The following SQSTM1 variants were observed in gnomAD, a reference collection of about 807,000 sequenced individuals.
The protein encoded by SQSTM1 is sequestosome 1, also known as sequestosome-1.
A neutral mutation model predicts 45.1 loss-of-function variants in SQSTM1; 36 were observed. The observed-to-expected ratio is 0.80, with a 90% CI of 0.61 to 1.05. SQSTM1 has a LOEUF of 1.05. Among genes scored for constraint, SQSTM1 ranks in the 50% least tolerant of loss-of-function variants. The pLI is 0.00. For missense variants in SQSTM1, 617 were observed against 607.1 expected (o/e 1.02, Z -0.17); for synonymous variants, 290 against 244.3 (o/e 1.19, Z -1.74).
At position 179,823,964 on chromosome 5, in the gene SQSTM1, A is replaced by G. The variant is rs2113487891; in HGVS notation, c.408A>G (p.Val136=). The part of the protein sequence containing the change: ...VICDGCNGPV[V]GTRYKCSVCP... ...GCGATGGCTGCAATGGGCCTGTGGT[A>G]GGAACCCGCTACAAGTGCAGCGTCT... Residue 136 remains valine, a synonymous_variant, in exon 3 of 8, where the codon GTA becomes GTG. Coordinates refer to ENST00000389805, the MANE Select transcript of SQSTM1 (RefSeq NM_003900.5). 1 of 1,614,042 alleles carries G rather than the reference A, an allele frequency of 6.2e-7. No individual in the cohort carries two copies.
At chr5:179,816,306 G>A (rs893597407), upstream of SQSTM1, among the ~76,000 whole-genome samples, 1 of 152,044 alleles carries the variant, frequency 6.6e-6, no homozygotes, top group African/African-American at 2.4e-5. Context: ...CTGCCGCCAC[G>A]CCCAACTAAT....
intron 6 of SQSTM1, 101 bp downstream of exon 6, chr5:179,833,347 A>C: frequency 8.3e-7 from 1 of 1,209,514 alleles, no homozygotes; most frequent in African/African-American, 1.5e-5. Flanking sequence ...CCCCACTTAC[A>C]AACCCGAGGG....
Position 179,836,736 on chromosome 5 carries a change from C to A in SQSTM1, c.*143C>A. On this transcript the variant is annotated 3_prime_UTR_variant, in exon 8 of 8. Coordinates refer to ENST00000389805, the MANE Select transcript of SQSTM1 (RefSeq NM_003900.5). Reference sequence around the variant, plus strand: ...TTAGGGTGCAAGAAGCCATTTAGGGCAGCAAAACAAGTGACATGAAGGGAG... The same window carrying A: ...TTAGGGTGCAAGAAGCCATTTAGGGAAGCAAAACAAGTGACATGAAGGGAG... 2 of 1,274,150 alleles carry A rather than the reference C, an allele frequency of 1.6e-6. No individual in the cohort carries two copies. Among genetic ancestry groups the A allele is most frequent in the Non-Finnish European group, 2.3e-6 (2 of 881,338 alleles). 78.9% of individuals were successfully genotyped at this position (1,274,150 alleles called of 1,614,324 possible).
rs1390276455 is a variant in SQSTM1, at chr5:179,806,574, G to A, written c.-174G>A. On this transcript the variant is annotated 5_prime_UTR_variant, in exon 1 of 6. Coordinates refer to the SQSTM1 transcript ENST00000514093. The surrounding 1 kb of genome is among the most constrained non-coding windows in gnomAD (Gnocchi z 4.6). ...AGCAGCGTCAGGAAGGTGCCATTGC[G>A]GAGCCTCATCTCCTCGGGTGCGCGG... The A allele has an allele frequency of 1.0e-5, 13 of 1,288,908 alleles. No individual in the cohort carries two copies. Among genetic ancestry groups the A allele is most frequent in the Non-Finnish European group, 1.3e-5 (13 of 990,382 alleles). The allele number at this position is 1,288,908 out of a possible 1,614,324, so 79.8% of individuals were successfully genotyped here.
chr5:179,830,304 A>C (rs768293564), intron 5 of SQSTM1, among the ~76,000 whole-genome samples: 2 of 152,246 alleles, frequency 1.3e-5, no homozygotes, highest in African/African-American at 4.8e-5. Flanking sequence ...TATTGTAAAT[A>C]CTTGGGAATA....
At chr5:179,830,313 T>G (rs1758158918) in intron 5 of SQSTM1, among the ~76,000 whole-genome samples, 1 of 152,146 alleles carries the variant, frequency 6.6e-6, no homozygotes, top group Non-Finnish European at 1.5e-5. Context: ...TACTTGGGAA[T>G]ACAAAGAGCA....
intron 5 of SQSTM1, among the ~76,000 whole-genome samples, chr5:179,832,734 G>A (rs1190641817): frequency 1.3e-5 from 2 of 152,178 alleles, no homozygotes; most frequent in Non-Finnish European, 2.9e-5. Context: ...AGTATCATGG[G>A]CCCACCAAGA....
chr5:179,819,467 C>T (rs899680493), upstream of SQSTM1, among the ~76,000 whole-genome samples: 1 of 152,220 alleles, frequency 6.6e-6, no homozygotes, highest in Non-Finnish European at 1.5e-5. Context: ...AAGCTATGTT[C>T]CCAGAGCCAC....
rs561073025 is a variant in SQSTM1, at chr5:179,806,663, AGGCGGCGGC to A, written c.-157+82_-157+90del. 24 of 582,914 alleles carry A rather than the reference AGGCGGCGGC, an allele frequency of 4.1e-5. No individual in the cohort carries two copies. The highest frequency in any genetic ancestry group is 1.5e-4 in the South Asian group (2 of 13,524). The allele number at this position is 582,914 out of a possible 1,614,324, so 36.1% of individuals were successfully genotyped here. The stretch of plus-strand genomic sequence containing the variant: ...CCGGGGCCGGGGCGCAGGGGTCGGA[AGGCGGCGGC>A]GGCGGCGGCAGGGGCCCCGGCCCCG... On this transcript the variant is annotated intron_variant, in intron 1 of 5. Transcript: ENST00000514093. This position sits in a 1 kb window ranked among gnomAD's most constrained non-coding sequence, Gnocchi z 4.6.
Position 179,822,954 on chromosome 5 carries a change from C to G in SQSTM1, c.206-4C>G, listed in dbSNP as rs370778198. 5 of 1,613,864 alleles carry G rather than the reference C, an allele frequency of 3.1e-6. No individual in the cohort carries two copies. In the Admixed American group the frequency reaches 6.7e-5, roughly 22 times the overall value. On this transcript the variant is annotated splice_polypyrimidine_tract_variant and splice_region_variant and intron_variant, in intron 1 of 7. Coordinates refer to ENST00000389805, the MANE Select transcript of SQSTM1 (RefSeq NM_003900.5). ...GCTCACGTGCTGTCTTTTAAACAAT[C>G]TAGATGAGGACGGGGACTTGGTTGC...
At chr5:179,829,950 C>CA (rs1758144318) in intron 5 of SQSTM1, among the ~76,000 whole-genome samples, 1 of 152,086 alleles carries the variant, frequency 6.6e-6, no homozygotes, top group Non-Finnish European at 1.5e-5. Context: ...TGTCTACAAA[C>CA]ACTATGAAAA....
chr5:179,830,375 C>T (rs1758160429), intron 5 of SQSTM1, among the ~76,000 whole-genome samples: 2 of 152,060 alleles, frequency 1.3e-5, no homozygotes, highest in Non-Finnish European at 2.9e-5. Context: ...CTCCAGAAAT[C>T]AGTTAAAAAG....
chr5:179,818,605 GCTTGGCTCAGGCC>G (rs1379356301), upstream of SQSTM1, among the ~76,000 whole-genome samples: 1 of 152,160 alleles, frequency 6.6e-6, no homozygotes, highest in Non-Finnish European at 1.5e-5. Flanking sequence ...ACCACTGGGC[GCTTGGCTCAGGCC>G]TCTCCTGCCC....
At chr5:179,816,698 A>T (rs1003215580), upstream of SQSTM1, among the ~76,000 whole-genome samples, 2 of 152,084 alleles carry the variant, frequency 1.3e-5, no homozygotes, top group Admixed American at 6.5e-5. Flanking sequence ...GGCGCCACTG[A>T]GAGCCTCCCG....
At chr5:179,829,356 G>T (rs1227114391) in intron 5 of SQSTM1, among the ~76,000 whole-genome samples, 1 of 152,220 alleles carries the variant, frequency 6.6e-6, no homozygotes, top group African/African-American at 2.4e-5. Context: ...ACCCTGCAGA[G>T]GGAAAGTTAG....
At chr5:179,832,704 T>C (rs959128358) in intron 5 of SQSTM1, among the ~76,000 whole-genome samples, 1 of 152,150 alleles carries the variant, frequency 6.6e-6, no homozygotes, top group Non-Finnish European at 1.5e-5. Context: ...TTTTACTGAA[T>C]TGGAGAAAGA....
At chr5:179,810,985 A>G (rs1220314524) in intron 1 of SQSTM1, among the ~76,000 whole-genome samples, 1 of 152,098 alleles carries the variant, frequency 6.6e-6, no homozygotes, top group Non-Finnish European at 1.5e-5. Context: ...AGCCAAGTCT[A>G]AAGGGGTCCC....
In SQSTM1 at chr5:179,829,838, G is replaced by A. The variant is rs533645676; in HGVS notation, c.755-3194G>A. On this transcript the variant is annotated intron_variant, in intron 5 of 7. Coordinates refer to ENST00000389805, the MANE Select transcript of SQSTM1 (RefSeq NM_003900.5). ...GCACCAGGCATGGTGGCTCATGCCT[G>A]TAATCCCAACACTTTGGGAGACCAA... Among the ~76,000 whole-genome samples the A allele has an allele frequency of 3.3e-5, 5 of 152,270 alleles. No homozygotes were observed. The East Asian group carries it at 9.7e-4, about 29-fold the overall frequency.
Position 179,833,704 on chromosome 5 carries a change from G to A in SQSTM1, c.1087G>A (p.Gly363Arg). 5 of 1,614,164 alleles carry A rather than the reference G, an allele frequency of 3.1e-6. No homozygotes were observed. Among genetic ancestry groups the A allele is most frequent in the Non-Finnish European group, 4.2e-6 (5 of 1,180,028 alleles). ...LQSLQMPESE[G>R]PSSLDPSQEG... ...GTCCCTACAGATGCCAGAATCCGAAGGGCCAAGCTCTCTGGACCCCTCCCA... is the reference window on the plus strand; with the variant it reads ...GTCCCTACAGATGCCAGAATCCGAAAGGCCAAGCTCTCTGGACCCCTCCCA... Residue 363 changes from glycine (G) to arginine (R), a missense_variant, in exon 7 of 8, where the codon GGG becomes AGG. Coordinates refer to ENST00000389805, the MANE Select transcript of SQSTM1 (RefSeq NM_003900.5).
Sources: allele counts gnomAD v4.1 joint callset (sites outside exome capture counted in the v4.1 genomes callset), GRCh38; gene constraint gnomAD v4.1.1; non-coding constraint Gnocchi (gnomAD v3.1); transcripts MANE v1.5; gene names NCBI Gene and HGNC (gene_info 2026-07-23, HGNC 2026-07-21).